The following KIF26B variants were observed in gnomAD, a reference collection of about 807,000 sequenced individuals.
KIF26B encodes kinesin family member 26B, also known as kinesin-like protein KIF26B.
A neutral mutation model predicts 151.2 loss-of-function variants in KIF26B; 63 were observed. That is an observed-to-expected ratio of 0.42 (90% CI 0.34 to 0.51). KIF26B has a LOEUF of 0.51. Ranked by LOEUF, KIF26B falls within the 20% of genes least tolerant of loss-of-function variation. KIF26B has a pLI of 0.07. For synonymous variants in KIF26B, 1,357 were observed against 1,262.1 expected (o/e 1.08, Z -1.59); for missense variants, 2,813 against 2,913.6 (o/e 0.97, Z 0.79).
chr1:245,602,163 G>A lies in KIF26B; in HGVS notation c.1351-414G>A, dbSNP rs2043403945. ...GAGTCCTGATGAGCTGAGCCAAGGA[G>A]TAAATTACGGAGCTAACTTTTATGT... is the stretch of plus-strand genomic sequence containing the variant. On this transcript the variant is annotated intron_variant, in intron 5 of 14. Coordinates refer to ENST00000407071, the MANE Select transcript of KIF26B (RefSeq NM_018012.4). The surrounding 1 kb of genome is among the most constrained non-coding windows in gnomAD (Gnocchi z 4.5). Among the ~76,000 whole-genome samples the A allele has an allele frequency of 6.6e-6, 1 of 152,204 alleles. No individual in the cohort carries two copies. The highest frequency in any genetic ancestry group is 2.4e-5 in the African/African-American group (1 of 41,452).
chr1:245,263,473 G>A (rs189133566), intron 2 of KIF26B, among the ~76,000 whole-genome samples: 1 of 152,292 alleles, frequency 6.6e-6, no homozygotes, highest in Non-Finnish European at 1.5e-5. Flanking sequence ...GCAGTTTGCA[G>A]GCATCTATCA....
chr1:245,575,598 C>T (rs888813992), intron 5 of KIF26B, among the ~76,000 whole-genome samples: 3 of 152,156 alleles, frequency 2.0e-5, no homozygotes, highest in Non-Finnish European at 4.4e-5. Context: ...TGTCAGGTTG[C>T]TGGAGTTGCT....
chr1:245,414,493 C>T lies in KIF26B; in HGVS notation c.1000-5086C>T, dbSNP rs562078689. ...GTGTTGGTCTGAGCAGGGCTGAAGCCGTGGGCCCAGGGCCTCTTTCCTTCA... is the reference window on the plus strand; with the variant it reads ...GTGTTGGTCTGAGCAGGGCTGAAGCTGTGGGCCCAGGGCCTCTTTCCTTCA... On this transcript the variant is annotated intron_variant, in intron 3 of 14. Coordinates refer to ENST00000407071, the MANE Select transcript of KIF26B (RefSeq NM_018012.4). Among the ~76,000 whole-genome samples the T allele has an allele frequency of 1.3e-4, 20 of 152,286 alleles. No homozygotes were observed. The South Asian group carries it at 3.7e-3, about 28-fold the overall frequency.
chr1:245,354,953 C>T (rs1359434478), intron 2 of KIF26B, among the ~76,000 whole-genome samples: 3 of 152,176 alleles, frequency 2.0e-5, no homozygotes, highest in Non-Finnish European at 4.4e-5. Context: ...CGGAGTCTCG[C>T]TCTGTCACCC....
chr1:245,686,642 G>T lies in KIF26B; in HGVS notation c.3659G>T (p.Arg1220Leu). ...IISFNSDCSA[R>L]ALASGSRPVS... is the part of the protein sequence containing the mutation. ...AGCTTCAACAGCGACTGCTCTGCAC[G>T]GGCCCTGGCCTCGGGCTCGCGGCCC... Residue 1220 changes from arginine to leucine, a missense_variant, in exon 12 of 15, where the codon CGG becomes CTG. Coordinates refer to ENST00000407071, the MANE Select transcript of KIF26B (RefSeq NM_018012.4). This position sits in a 1 kb window ranked among gnomAD's most constrained non-coding sequence, Gnocchi z 5.6. 1 of 1,610,886 alleles carries T rather than the reference G, an allele frequency of 6.2e-7. No individual in the cohort carries two copies. Among genetic ancestry groups the T allele is most frequent in the Non-Finnish European group, 8.5e-7 (1 of 1,178,882 alleles).
intron 4 of KIF26B, among the ~76,000 whole-genome samples, chr1:245,480,827 A>G (rs78262978): frequency 0.02 from 3,015 of 151,576 alleles, 108 homozygotes; most frequent in African/African-American, 0.069. Context: ...GTTTGGATAG[A>G]AACCCTTAGA....
At chr1:245,377,965 A>T (rs138054890) in intron 3 of KIF26B, among the ~76,000 whole-genome samples, 29 of 152,332 alleles carry the variant, frequency 1.9e-4, no homozygotes, top group Non-Finnish European at 4.3e-4. Flanking sequence ...ATCAACCTGT[A>T]TGCGTGGGTT....
chr1:245,339,928 G>A (rs975658977), intron 2 of KIF26B, among the ~76,000 whole-genome samples: 1 of 152,198 alleles, frequency 6.6e-6, no homozygotes, highest in South Asian at 2.1e-4. Context: ...GAGAACACCA[G>A]GGCCCAGGGC....
intron 2 of KIF26B, among the ~76,000 whole-genome samples, chr1:245,262,707 G>T (rs760769092): frequency 6.6e-6 from 1 of 152,066 alleles, no homozygotes; most frequent in Non-Finnish European, 1.5e-5. Context: ...CTCCCACCTC[G>T]GCCTCCCAAA....
At chr1:245,603,348 C>T (rs1384509099) in intron 6 of KIF26B, among the ~76,000 whole-genome samples, 3 of 152,094 alleles carry the variant, frequency 2.0e-5, no homozygotes, top group South Asian at 2.1e-4. Context: ...GTGTTGTATT[C>T]GCTGAATTGC....
At chr1:245,547,077 C>G (rs1661760030) in intron 5 of KIF26B, among the ~76,000 whole-genome samples, 1 of 152,264 alleles carries the variant, frequency 6.6e-6, no homozygotes, top group African/African-American at 2.4e-5. Flanking sequence ...AGCGCCGCCC[C>G]AGGCGCCCGG....
intron 2 of KIF26B, among the ~76,000 whole-genome samples, chr1:245,249,498 T>C (rs1161939889): frequency 1.3e-5 from 2 of 148,752 alleles, no homozygotes; most frequent in East Asian, 3.9e-4. Context: ...TATTTTTTTT[T>C]TTTTTTTTTT....
rs2042939335 is a variant in KIF26B, at chr1:245,560,765, C to G, written c.1350+19815C>G. On this transcript the variant is annotated intron_variant, in intron 5 of 14. Transcript: ENST00000407071. The surrounding 1 kb of genome is among the most constrained non-coding windows in gnomAD (Gnocchi z 4.3). Reference sequence around the variant, plus strand: ...AAATGAGCTGCCTCCACTGAAGACTCCCCTCCGCTCCTCGCACTCTCATCA... The same window carrying G: ...AAATGAGCTGCCTCCACTGAAGACTGCCCTCCGCTCCTCGCACTCTCATCA... Among the ~76,000 whole-genome samples the G allele has an allele frequency of 6.6e-6, 1 of 152,160 alleles. No individual in the cohort carries two copies. The highest frequency in any genetic ancestry group is 1.5e-5 in the Non-Finnish European group (1 of 68,030).
In KIF26B at chr1:245,155,105, GA is replaced by G; in HGVS notation, c.-319del. 5 of 506,876 alleles carry G rather than the reference GA, an allele frequency of 9.9e-6. No homozygotes were observed. The Middle Eastern group carries it at 1.5e-3, about 149-fold the overall frequency. The allele number at this position is 506,876 out of a possible 1,614,324, so 31.4% of individuals were successfully genotyped here. On this transcript the variant is annotated 5_prime_UTR_variant, in exon 1 of 15. Transcript: ENST00000407071. ...CTCGCTTTCCTCGTGGGGGAGCACG[GA>G]CTGACTTGGCTGAAGAAAATGCCAG...
intron 4 of KIF26B, among the ~76,000 whole-genome samples, chr1:245,467,750 T>C (rs943769859): frequency 2.0e-5 from 3 of 151,992 alleles, no homozygotes. Flanking sequence ...CAAAAATTAG[T>C]TGGCCATGGC....
At chr1:245,187,985 G>A (rs4658443) in intron 2 of KIF26B, among the ~76,000 whole-genome samples, 115,200 of 152,090 alleles carry the variant, frequency 0.76, 44,406 homozygotes, top group East Asian at 0.89. Flanking sequence ...ATTGGAATCA[G>A]AGGCAAATTC....
At chr1:245,261,710 T>C (rs1670649003) in intron 2 of KIF26B, among the ~76,000 whole-genome samples, 1 of 151,930 alleles carries the variant, frequency 6.6e-6, no homozygotes, top group Non-Finnish European at 1.5e-5. Context: ...TCAGCCTCTC[T>C]ATAGCTAGGA....
rs1670269206 is a variant in KIF26B at position 245,244,141 on chromosome 1, GA to G, written c.465+87459del. On this transcript the variant is annotated intron_variant, in intron 2 of 14. Transcript: ENST00000407071. The surrounding 1 kb of genome is among the most constrained non-coding windows in gnomAD (Gnocchi z 4.2). The stretch of plus-strand genomic sequence containing the variant: ...TTTATTTATTTATTTATTTTTTGTA[GA>G]GATTGGGTCTTGCTATGTTACCCAG... Among the ~76,000 whole-genome samples the G allele has an allele frequency of 6.6e-6, 1 of 151,988 alleles. No individual in the cohort carries two copies. Among genetic ancestry groups the G allele is most frequent in the Non-Finnish European group, 1.5e-5 (1 of 68,016 alleles).
At chr1:245,590,182 G>A (rs866911150) in intron 5 of KIF26B, among the ~76,000 whole-genome samples, 1 of 151,020 alleles carries the variant, frequency 6.6e-6, no homozygotes, top group Admixed American at 6.6e-5. Context: ...AGGCCGAGGC[G>A]CCGGTGGAAG....
Sources: allele counts gnomAD v4.1 joint callset (sites outside exome capture counted in the v4.1 genomes callset), GRCh38; gene constraint gnomAD v4.1.1; non-coding constraint Gnocchi (gnomAD v3.1); transcripts MANE v1.5; gene names NCBI Gene and HGNC (gene_info 2026-07-23, HGNC 2026-07-21).